Variants in PDS5B observed in about 807,000 individuals in gnomAD.
The protein encoded by PDS5B is sister chromatid cohesion protein PDS5 homolog B.
A neutral mutation model predicts 184.1 loss-of-function variants in PDS5B; 51 were observed. The observed-to-expected ratio is 0.28, with a 90% CI of 0.22 to 0.35. PDS5B has a LOEUF of 0.35. Ranked by LOEUF, PDS5B falls within the 10% of genes least tolerant of loss-of-function variation. The probability of loss-of-function intolerance (pLI) is 1.00; values close to 1 mark genes in which losing one functional copy is unlikely to be tolerated. For missense variants in PDS5B, 1,180 were observed against 1,723.3 expected, an observed-to-expected ratio of 0.68 and a Z score of 5.58; for synonymous variants, 566 against 569.2, an observed-to-expected ratio of 0.99 and a Z score of 0.08.
intron 25 of PDS5B, 60 bp from the exon 26 acceptor site, chr13:32,755,779 TTTG>T: frequency 1.3e-6 from 1 of 782,210 alleles, no homozygotes; most frequent in Non-Finnish European, 2.1e-6. Flanking sequence ...ATATTTTTGT[TTTG>T]TTTTGTTTTT....
At chr13:32,644,247 A>G (rs1950167085) in intron 1 of PDS5B, among the ~76,000 whole-genome samples, 1 of 152,164 alleles carries the variant, frequency 6.6e-6, no homozygotes, top group African/African-American at 2.4e-5. Context: ...TTTTGACTTT[A>G]TGATGGTGTG....
chr13:32,640,604 T>C (rs2058644023), intron 1 of PDS5B, among the ~76,000 whole-genome samples: 1 of 152,202 alleles, frequency 6.6e-6, no homozygotes, highest in Non-Finnish European at 1.5e-5. Flanking sequence ...AATGTAAATA[T>C]AATAATATGC....
intron 1 of PDS5B, among the ~76,000 whole-genome samples, chr13:32,598,193 C>T (rs186311083): frequency 4.0e-4 from 61 of 151,968 alleles, no homozygotes; most frequent in African/African-American, 1.4e-3. Flanking sequence ...CTGCCTCAGC[C>T]TCTCAAGTAT....
chr13:32,632,189 T>C (rs1256704751), intron 1 of PDS5B, among the ~76,000 whole-genome samples: 2 of 152,226 alleles, frequency 1.3e-5, no homozygotes, highest in Non-Finnish European at 1.5e-5. Context: ...TTGGACTTTA[T>C]AAAAATTAAA....
At chr13:32,749,734 A>ACTT (rs1483895836) in intron 24 of PDS5B, among the ~76,000 whole-genome samples, 1 of 152,188 alleles carries the variant, frequency 6.6e-6, no homozygotes, top group Admixed American at 6.5e-5. Flanking sequence ...GATACTTTGT[A>ACTT]CTAGAAAAGG....
chr13:32,696,920 C>T lies in PDS5B; in HGVS notation c.1600+18C>T. On this transcript the variant is annotated intron_variant, in intron 15 of 34. Coordinates refer to ENST00000315596, the MANE Select transcript of PDS5B (RefSeq NM_015032.4). ...TATTACAAGTAAGTTATTTTAAAAT[C>T]TGTATAAAAATGTAATTTTTATTGG... The T allele has an allele frequency of 7.0e-7, 1 of 1,423,584 alleles. No individual in the cohort carries two copies. Among genetic ancestry groups the T allele is most frequent in the Non-Finnish European group, 9.8e-7 (1 of 1,022,352 alleles). 88.2% of individuals were successfully genotyped at this position (1,423,584 alleles called of 1,614,324 possible).
chr13:32,618,602 C>G (rs1465579545), intron 1 of PDS5B, among the ~76,000 whole-genome samples: 4 of 152,056 alleles, frequency 2.6e-5, no homozygotes, highest in Non-Finnish European at 5.9e-5. Context: ...TACCTTCTCC[C>G]TAGTTTCTCC....
intron 20 of PDS5B, among the ~76,000 whole-genome samples, chr13:32,733,862 C>A (rs1953212190): frequency 6.6e-6 from 1 of 152,018 alleles, no homozygotes; most frequent in Non-Finnish European, 1.5e-5. Flanking sequence ...TATTCATATA[C>A]AAGTAAGGGC....
intron 11 of PDS5B, 43 bp from the exon 12 acceptor site, chr13:32,687,091 T>A (rs752281149): frequency 6.8e-7 from 1 of 1,474,102 alleles, no homozygotes; most frequent in Non-Finnish European, 9.2e-7. Flanking sequence ...ATTTATATAA[T>A]GGAAGCCTTT....
At chr13:32,703,299 G>T (rs909819444) in intron 17 of PDS5B, among the ~76,000 whole-genome samples, 1 of 152,180 alleles carries the variant, frequency 6.6e-6, no homozygotes, top group Non-Finnish European at 1.5e-5. Context: ...AGAAGACTAG[G>T]TTATTGTAAT....
At chr13:32,647,428 AC>A in intron 1 of PDS5B, among the ~76,000 whole-genome samples, 1 of 151,982 alleles carries the variant, frequency 6.6e-6, no homozygotes, top group East Asian at 1.9e-4. Context: ...GTGCCACCAC[AC>A]CTGGCTGATT....
Position 32,770,277 on chromosome 13 carries a change from G to T in PDS5B, c.3781G>T (p.Glu1261Ter). 1 of 1,613,930 alleles carries T rather than the reference G, an allele frequency of 6.2e-7. No individual in the cohort carries two copies. The highest frequency in any genetic ancestry group is 8.5e-7 in the Non-Finnish European group (1 of 1,179,988). ...KRGHTASESD[E>*]QQWPEEKRLK... is the part of the protein sequence containing the mutation. ...AGGCCATACGGCTTCAGAATCTGAT[G>T]AACAGCAGTGGCCTGAGGAAAAGAG... Residue 1261 changes from glutamate to a stop codon, truncating the protein, a stop_gained, in exon 32 of 35, where the codon GAA becomes TAA. Transcript: ENST00000315596. LOFTEE classifies it high-confidence loss of function.
intron 1 of PDS5B, among the ~76,000 whole-genome samples, chr13:32,628,575 C>T (rs1301391296): frequency 3.3e-5 from 5 of 149,444 alleles, no homozygotes; most frequent in Non-Finnish European, 3.0e-5. Flanking sequence ...AAATTATGCT[C>T]TATACTTCCC....
At chr13:32,697,975 A>C (rs1013781426) in intron 15 of PDS5B, among the ~76,000 whole-genome samples, 3 of 152,126 alleles carry the variant, frequency 2.0e-5, no homozygotes, top group African/African-American at 7.2e-5. Flanking sequence ...GGTGTGAGCC[A>C]CGGTGCCTGG....
chr13:32,757,279 A>G (rs1244314096), intron 26 of PDS5B, among the ~76,000 whole-genome samples: 1 of 152,232 alleles, frequency 6.6e-6, no homozygotes, highest in East Asian at 1.9e-4. Context: ...ACTTACGGTT[A>G]TATTTCTAAG....
intron 33 of PDS5B, chr13:32,770,976 A>G: frequency 1.8e-6 from 1 of 545,572 alleles, no homozygotes; most frequent in Non-Finnish European, 3.3e-6. Flanking sequence ...ATAAATGAAT[A>G]CCAAATAGTA....
intron 2 of PDS5B, chr13:32,650,303 G>A (rs549932092): frequency 1.3e-5 from 2 of 152,228 alleles, no homozygotes; most frequent in Non-Finnish European, 2.9e-5. Flanking sequence ...TTTATGTCTA[G>A]CAGTAATCCA....
intron 6 of PDS5B, among the ~76,000 whole-genome samples, chr13:32,663,201 GTTGA>G (rs1950695774): frequency 6.6e-6 from 1 of 151,952 alleles, no homozygotes; most frequent in African/African-American, 2.4e-5. Flanking sequence ...AGGGATTTCT[GTTGA>G]TTATTTAAGT....
chr13:32,735,007 AG>A (rs1184607269), intron 20 of PDS5B, among the ~76,000 whole-genome samples, 164 bp from the exon 21 acceptor site: 1 of 152,168 alleles, frequency 6.6e-6, no homozygotes, highest in Non-Finnish European at 1.5e-5. Context: ...TGTAATCTTG[AG>A]TTACTACTTA....
Sources: allele counts gnomAD v4.1 joint callset (sites outside exome capture counted in the v4.1 genomes callset), GRCh38; gene constraint gnomAD v4.1.1; transcripts MANE v1.5; gene names NCBI Gene and HGNC (gene_info 2026-07-23, HGNC 2026-07-21).